ABCC9: variants seen among roughly 807,000 people sequenced by gnomAD.
ABCC9 encodes ATP-binding cassette sub-family C member 9.
ABCC9 carries 95 observed loss-of-function variants against 188.3 expected under a neutral mutation model. That is an observed-to-expected ratio of 0.50 (90% confidence interval 0.43 to 0.60). The LOEUF (loss-of-function observed/expected upper bound fraction) is 0.60, where lower values mean the gene tolerates loss of function less well. Ranked by LOEUF, ABCC9 falls within the 20% of genes least tolerant of loss-of-function variation. The probability of loss-of-function intolerance (pLI) is 0.00; values close to 1 mark genes in which losing one functional copy is unlikely to be tolerated. For synonymous variants in ABCC9, 659 were observed against 652.7 expected (o/e 1.01, Z -0.15); for missense variants, 1,102 against 1,876.3 (o/e 0.59, Z 7.62).
At chr12:21,883,829 G>T (rs1946749125) in intron 15 of ABCC9, among the ~76,000 whole-genome samples, 1 of 151,828 alleles carries the variant, frequency 6.6e-6, no homozygotes, top group African/African-American at 2.4e-5. Flanking sequence ...CCTAGTCAAT[G>T]GACTAAAACA....
intron 15 of ABCC9, among the ~76,000 whole-genome samples, chr12:21,886,093 T>G (rs2137678686): frequency 6.6e-6 from 1 of 152,310 alleles, no homozygotes; most frequent in Middle Eastern, 3.4e-3. Flanking sequence ...AAGAATTTCT[T>G]CAAAATTTTT....
chr12:21,881,799 TA>T (rs1290420022), intron 16 of ABCC9, among the ~76,000 whole-genome samples: 2 of 152,160 alleles, frequency 1.3e-5, no homozygotes, highest in Non-Finnish European at 2.9e-5. Flanking sequence ...GAGCTCTCTT[TA>T]AAATTCATAT....
chr12:21,845,196 C>G (rs1944585820), intron 26 of ABCC9, among the ~76,000 whole-genome samples: 2 of 151,990 alleles, frequency 1.3e-5, no homozygotes. Context: ...TCTTGGCTTT[C>G]TATGTTGTAG....
At position 21,906,121 on chromosome 12, in the gene ABCC9, C is replaced by G; in HGVS notation, c.1618+5G>C. ...TCGCCTGTTCTTAGAGCAACAGCAACTTACTGGAGAGTGATGTATATAGTG... is the reference window on the plus strand; with the variant it reads ...TCGCCTGTTCTTAGAGCAACAGCAAGTTACTGGAGAGTGATGTATATAGTG... On this transcript the variant is annotated splice_donor_5th_base_variant and intron_variant, in intron 12 of 39. Transcript: ENST00000261200. 1.2e-6 allele frequency: 2 copies of G among 1,612,762 alleles called. No individual in the cohort carries two copies. Among genetic ancestry groups the G allele is most frequent in the Non-Finnish European group, 1.7e-6 (2 of 1,178,982 alleles).
At chr12:21,818,332 C>T in intron 31 of ABCC9, 81 bp from the exon 32 acceptor site, 1 of 1,037,954 alleles carries the variant, frequency 9.6e-7, no homozygotes, top group Non-Finnish European at 1.5e-6. Context: ...GAGGTGATCA[C>T]TAAGAGAATA....
At chr12:21,817,124 A>G (rs1942698307) in intron 33 of ABCC9, 63 bp downstream of exon 33, 1 of 1,567,338 alleles carries the variant, frequency 6.4e-7, no homozygotes, top group Non-Finnish European at 8.7e-7. Flanking sequence ...AATGTGCCCA[A>G]CAAACACTAA....
chr12:21,934,566 G>C (rs776903255), intron 3 of ABCC9, among the ~76,000 whole-genome samples: 1 of 151,982 alleles, frequency 6.6e-6, no homozygotes, highest in Admixed American at 6.6e-5. Flanking sequence ...TTGTATGTTA[G>C]TAAAATTCTG....
intron 8 of ABCC9, 75 bp downstream of exon 8, chr12:21,912,797 T>A: frequency 6.8e-7 from 1 of 1,462,062 alleles, no homozygotes; most frequent in East Asian, 2.3e-5. Flanking sequence ...CTCATAAAAC[T>A]GCATTAATAA....
intron 29 of ABCC9, 120 bp downstream of exon 29, chr12:21,842,194 G>T: frequency 2.4e-6 from 3 of 1,265,238 alleles, no homozygotes; most frequent in Non-Finnish European, 3.3e-6. Context: ...TTTGTGTTTT[G>T]GAACTTCGTG....
intron 31 of ABCC9, among the ~76,000 whole-genome samples, chr12:21,822,301 C>T (rs1943084327): frequency 6.6e-6 from 1 of 151,198 alleles, no homozygotes; most frequent in Non-Finnish European, 1.5e-5. Context: ...GGATTACTAC[C>T]ACTGCTAAAA....
chr12:21,821,376 A>G lies in ABCC9; in HGVS notation c.3670-3125T>C, dbSNP rs1943028396. ...CTTTTCTAAAGTGAAAAGTACTTTT[A>G]CCTAAGCCATGAATTTCATCATTCA... is the stretch of plus-strand genomic sequence containing the variant. On this transcript the variant is annotated intron_variant, in intron 31 of 39. Coordinates refer to ENST00000261200, the MANE Select transcript of ABCC9 (RefSeq NM_020297.4). Among the ~76,000 whole-genome samples the G allele has an allele frequency of 3.9e-5, 6 of 152,102 alleles. 1 individual carries two copies. In the South Asian group the frequency reaches 1.2e-3, roughly 31 times the overall value.
At chr12:21,923,690 A>G in intron 5 of ABCC9, 2 of 591,220 alleles carry the variant, frequency 3.4e-6, no homozygotes, top group Non-Finnish European at 6.0e-6. Flanking sequence ...AAATGATACA[A>G]ACATTTTGGG....
In ABCC9 at chr12:21,917,112, A is replaced by T; in HGVS notation, c.407-9T>A. ...CCAATACAGGAACAGGGCTGAAAAGAAAAAGACAAAAAGAGAAAGATGCAA... is the reference window on the plus strand; with the variant it reads ...CCAATACAGGAACAGGGCTGAAAAGTAAAAGACAAAAAGAGAAAGATGCAA... On this transcript the variant is annotated splice_polypyrimidine_tract_variant and intron_variant, in intron 5 of 39. Coordinates refer to ENST00000261200, the MANE Select transcript of ABCC9 (RefSeq NM_020297.4). 1 of 1,612,872 alleles carries T rather than the reference A, an allele frequency of 6.2e-7. No homozygotes were observed. Among genetic ancestry groups the T allele is most frequent in the Non-Finnish European group, 8.5e-7 (1 of 1,179,068 alleles).
At chr12:21,824,538 A>G (rs574014555) in intron 31 of ABCC9, among the ~76,000 whole-genome samples, 9 of 152,030 alleles carry the variant, frequency 5.9e-5, no homozygotes, top group East Asian at 3.9e-4. Flanking sequence ...CTCTTTTTCA[A>G]TTGTTTGGAA....
chr12:21,915,494 G>GTATATATATATATATA, intron 7 of ABCC9, among the ~76,000 whole-genome samples, 174 bp downstream of exon 7: 1 of 9,698 alleles, frequency 1.0e-4, no homozygotes, highest in Non-Finnish European at 2.0e-4. Flanking sequence ...GTGTGTGTGT[G>GTATATATATATATATA]TGTGTGTATA....
At chr12:21,882,707 C>T in intron 16 of ABCC9, 59 bp downstream of exon 16, 4 of 1,441,156 alleles carry the variant, frequency 2.8e-6, no homozygotes, top group Non-Finnish European at 2.9e-6. Flanking sequence ...CAGAACTTCA[C>T]CATAAAATAG....
At chr12:21,894,604 A>G (rs1216459235) in intron 13 of ABCC9, among the ~76,000 whole-genome samples, 3 of 36,566 alleles carry the variant, frequency 8.2e-5, no homozygotes, top group Non-Finnish European at 1.6e-4. Context: ...TCCAAAGAAG[A>G]CTTACTTCCA....
rs1263302957 is a variant in ABCC9, at chr12:21,936,518, T to TA, written c.142+14dup. On this transcript the variant is annotated intron_variant, in intron 3 of 39. Transcript: ENST00000261200. ...AAACATCAAATGGTATAACATAAGA[T>TA]ACTAGATTACTTACCAATAAACAAT... The TA allele has an allele frequency of 6.2e-7, 1 of 1,600,672 alleles. No homozygotes were observed. Among genetic ancestry groups the TA allele is most frequent in the Non-Finnish European group, 8.5e-7 (1 of 1,169,750 alleles).
At chr12:21,910,356 A>G in intron 9 of ABCC9, 44 bp from the exon 10 acceptor site, 1 of 1,500,814 alleles carries the variant, frequency 6.7e-7, no homozygotes, top group Admixed American at 2.0e-5. Flanking sequence ...CTAAACTTAA[A>G]ATTGACACTA....
Sources: allele counts gnomAD v4.1 joint callset (sites outside exome capture counted in the v4.1 genomes callset), GRCh38; gene constraint gnomAD v4.1.1; transcripts MANE v1.5; gene names NCBI Gene and HGNC (gene_info 2026-07-23, HGNC 2026-07-21).